The following IFT140 variants were observed in gnomAD, a reference collection of about 807,000 sequenced individuals.
IFT140 encodes the protein intraflagellar transport protein 140 homolog.
In IFT140, 133 loss-of-function variants were observed where a neutral mutation model predicts 164.6. The observed-to-expected ratio is 0.81, with a 90% CI of 0.70 to 0.93. IFT140 has a LOEUF of 0.93. IFT140 is among the 40% of genes least tolerant of loss of function. The pLI is 0.00. For synonymous variants in IFT140, 860 were observed against 817.3 expected (o/e 1.05, Z -0.89); for missense variants, 2,045 against 1,972.3 (o/e 1.04, Z -0.70).
intron 19 of IFT140, chr16:1,534,044 C>G (rs1016328737): frequency 1.8e-6 from 1 of 551,530 alleles, no homozygotes; most frequent in Non-Finnish European, 3.1e-6. Flanking sequence ...GGATGGGCCC[C>G]GAGGCGAGCA....
intron 21 of IFT140, 137 bp from the exon 22 acceptor site, chr16:1,525,463 C>T: frequency 1.4e-6 from 1 of 704,868 alleles, no homozygotes; most frequent in East Asian, 2.7e-5. Flanking sequence ...TGCAGCTCTG[C>T]AGACCCTGAG....
Position 1,607,430 on chromosome 16 carries a change from G to A in IFT140, c.-31-133C>T, listed in dbSNP as rs933438353. 4.1e-6 allele frequency: 3 copies of A among 728,710 alleles called. No individual in the cohort carries two copies. In the African/African-American group the frequency reaches 5.4e-5, roughly 13 times the overall value. 45.1% of individuals were successfully genotyped at this position (728,710 alleles called of 1,614,324 possible). A position where few individuals can be genotyped will look rare whatever the true frequency, so the allele number is the denominator to read the frequency against. Reference sequence around the variant, plus strand: ...ACCATCGGCAACTTGAAAATGCCTTGCGGACTGAGCAGGCAACCTGATGCG... The same window carrying A: ...ACCATCGGCAACTTGAAAATGCCTTACGGACTGAGCAGGCAACCTGATGCG... On this transcript the variant is annotated intron_variant, in intron 2 of 30. Transcript: ENST00000426508.
rs759566930 is a variant in IFT140, at chr16:1,511,166, A to C, written c.4183-16T>G. 1.4e-5 allele frequency: 22 copies of C among 1,588,946 alleles called. No individual in the cohort carries two copies. Among genetic ancestry groups the C allele is most frequent in the Non-Finnish European group, 1.9e-5 (22 of 1,168,508 alleles). On this transcript the variant is annotated splice_polypyrimidine_tract_variant and intron_variant, in intron 30 of 30. Transcript: ENST00000426508. ...ATCTGTAGGCCTGGGGCAGAGGAGC[A>C]GACATTACTCAGCTTTCCTGAACAA...
At chr16:1,532,699 G>A (rs1596316764) in intron 19 of IFT140, 1 of 152,444 alleles carries the variant, frequency 6.6e-6, no homozygotes, top group East Asian at 1.9e-4. Flanking sequence ...ACGAAGCTTT[G>A]GAGCCTGGGT....
intron 19 of IFT140, among the ~76,000 whole-genome samples, chr16:1,547,662 G>A (rs529388352): frequency 7.2e-5 from 11 of 152,168 alleles, no homozygotes; most frequent in African/African-American, 2.4e-4. Flanking sequence ...TCAGCCTCCC[G>A]AGTAGCTGGA....
chr16:1,568,081 A>C, intron 15 of IFT140, 136 bp downstream of exon 15: 1 of 651,142 alleles, frequency 1.5e-6, no homozygotes, highest in Non-Finnish European at 2.7e-6. Context: ...GACGAGGGGA[A>C]GGAGAGTGGG....
chr16:1,557,776 G>T (rs1053201473), intron 19 of IFT140, 159 bp downstream of exon 19: 2 of 733,198 alleles, frequency 2.7e-6, no homozygotes, highest in African/African-American at 3.5e-5. Flanking sequence ...TCTGCAAGCT[G>T]GGCAGCATTT....
intron 19 of IFT140, among the ~76,000 whole-genome samples, chr16:1,540,499 T>G (rs536378205): frequency 6.6e-6 from 1 of 152,140 alleles, no homozygotes; most frequent in Non-Finnish European, 1.5e-5. Flanking sequence ...CTTGAGGATC[T>G]CCCCATCCCC....
At position 1,551,098 on chromosome 16, in the gene IFT140, C is replaced by T. The variant is rs975841155; in HGVS notation, c.2399+6837G>A. On this transcript the variant is annotated intron_variant, in intron 19 of 30. Coordinates refer to ENST00000426508, the MANE Select transcript of IFT140 (RefSeq NM_014714.4). This position sits in a 1 kb window ranked among gnomAD's most constrained non-coding sequence, Gnocchi z 4.0. ...TCCTCGCCTTTCCCGCAGCTCCACA[C>T]TGCATTCTGTTCTGTTTCACGTCTA... Among the ~76,000 whole-genome samples, 2 of 152,382 alleles carry T rather than the reference C, an allele frequency of 1.3e-5. No individual in the cohort carries two copies. The highest frequency in any genetic ancestry group is 4.8e-5 in the African/African-American group (2 of 41,592).
chr16:1,547,099 G>A (rs933452214), intron 19 of IFT140, among the ~76,000 whole-genome samples: 1 of 152,140 alleles, frequency 6.6e-6, no homozygotes, highest in African/African-American at 2.4e-5. Flanking sequence ...AAGGCTTCTC[G>A]CCTGCTTCTT....
At chr16:1,540,012 G>C (rs1039004074) in intron 19 of IFT140, among the ~76,000 whole-genome samples, 12 of 152,216 alleles carry the variant, frequency 7.9e-5, no homozygotes, top group Non-Finnish European at 1.3e-4. Context: ...CGCCCCGAGT[G>C]ACAGGAGGGG....
In IFT140 at chr16:1,532,389, A is replaced by G. The variant is rs886394521; in HGVS notation, c.2400-5593T>C. 3.9e-5 allele frequency: 6 copies of G among 152,442 alleles called. No individual in the cohort carries two copies. In the South Asian group the frequency reaches 1.0e-3, roughly 26 times the overall value. 9.4% of individuals were successfully genotyped at this position (152,442 alleles called of 1,614,324 possible). On this transcript the variant is annotated intron_variant, in intron 19 of 30. Transcript: ENST00000426508. ...AAACGCTTCTCAGGACCCAGCACGC[A>G]CCACGGGCTGGTGAGGACGGAGCTG... is the stretch of plus-strand genomic sequence containing the variant.
chr16:1,581,248 G>A (rs1039101529), intron 12 of IFT140, among the ~76,000 whole-genome samples: 5 of 152,302 alleles, frequency 3.3e-5, no homozygotes, highest in Admixed American at 1.3e-4. Context: ...AACTATTAGG[G>A]TTGGTGCAAA....
rs1567378781 is a variant in IFT140, at chr16:1,566,155, TC to T, written c.1901+5del. On this transcript the variant is annotated splice_donor_5th_base_variant and intron_variant, in intron 16 of 30. Coordinates refer to ENST00000426508, the MANE Select transcript of IFT140 (RefSeq NM_014714.4). ...CCAACAAAATCCTCCTGAACCACAATCTTACTTATTAGTCTCTTGCTCATTA... is the reference window on the plus strand; with the variant it reads ...CCAACAAAATCCTCCTGAACCACAATTTACTTATTAGTCTCTTGCTCATTA... 6.2e-7 allele frequency: 1 copy of T among 1,611,822 alleles called. No individual in the cohort carries two copies. Among genetic ancestry groups the T allele is most frequent in the Admixed American group, 1.7e-5 (1 of 59,734 alleles).
chr16:1,591,875 T>G (rs1289236818), intron 6 of IFT140, among the ~76,000 whole-genome samples: 1 of 152,230 alleles, frequency 6.6e-6, no homozygotes, highest in Non-Finnish European at 1.5e-5. Context: ...TTTCCAAAAC[T>G]GTCTCTGGTG....
At chr16:1,596,370 T>C (rs1465747216) in intron 4 of IFT140, among the ~76,000 whole-genome samples, 1 of 152,202 alleles carries the variant, frequency 6.6e-6, no homozygotes, top group Non-Finnish European at 1.5e-5. Flanking sequence ...CAAGTGACTT[T>C]AGAAATCTTT....
intron 17 of IFT140, among the ~76,000 whole-genome samples, 197 bp from the exon 18 acceptor site, chr16:1,562,313 T>C (rs968371343): frequency 3.3e-5 from 5 of 152,212 alleles, no homozygotes; most frequent in African/African-American, 1.2e-4. Flanking sequence ...ACACGCCTAC[T>C]GGAAGGACGC....
intron 9 of IFT140, among the ~76,000 whole-genome samples, chr16:1,586,863 C>T (rs1567406285): frequency 6.6e-6 from 1 of 152,292 alleles, no homozygotes; most frequent in East Asian, 1.9e-4. Flanking sequence ...TACACCATCA[C>T]ACCTGGCTAA....
chr16:1,584,014 C>T (rs977235106), intron 11 of IFT140, among the ~76,000 whole-genome samples: 5 of 152,176 alleles, frequency 3.3e-5, no homozygotes, highest in Admixed American at 6.5e-5. Context: ...GGATTACAGG[C>T]GTCAGCCACC....
Sources: gnomAD v4.1 joint callset for allele counts (sites outside exome capture counted in the v4.1 genomes callset) on GRCh38, gnomAD v4.1.1 for gene constraint, Gnocchi (gnomAD v3.1) non-coding constraint, MANE v1.5 for transcripts, NCBI Gene and HGNC (gene_info 2026-07-23, HGNC 2026-07-21) for gene names.